Variants in PRKD1 observed in about 807,000 individuals in gnomAD.
The protein encoded by PRKD1 is protein kinase D1.
PRKD1 carries 63 observed loss-of-function variants against 95.9 expected under a neutral mutation model. The ratio of observed to expected loss-of-function variants is 0.66; its 90% confidence interval spans 0.54 to 0.81. The LOEUF (loss-of-function observed/expected upper bound fraction) is 0.81, where lower values mean the gene tolerates loss of function less well. Among genes scored for constraint, PRKD1 ranks in the 30% least tolerant of loss-of-function variants. The pLI is 0.00. For synonymous variants in PRKD1, 425 were observed against 423.1 expected, an observed-to-expected ratio of 1.00 and a Z score of -0.05; for missense variants, 1,048 against 1,165.3, an observed-to-expected ratio of 0.90 and a Z score of 1.47.
intron 16 of PRKD1, among the ~76,000 whole-genome samples, chr14:29,589,087 T>C (rs544175319): frequency 6.6e-6 from 1 of 152,214 alleles, no homozygotes; most frequent in East Asian, 1.9e-4. Flanking sequence ...TAAAGGAATA[T>C]GAAAACTCAG....
intron 1 of PRKD1, among the ~76,000 whole-genome samples, chr14:29,739,638 G>T (rs1266562759): frequency 1.3e-5 from 2 of 152,142 alleles, no homozygotes; most frequent in Non-Finnish European, 2.9e-5. Flanking sequence ...TGTCCTACAA[G>T]ATATAGAAAT....
intron 2 of PRKD1, among the ~76,000 whole-genome samples, chr14:29,674,259 T>C (rs1217201729): frequency 1.3e-5 from 2 of 152,180 alleles, no homozygotes; most frequent in Non-Finnish European, 2.9e-5. Context: ...CTAGTATTAT[T>C]TGTCTCTTCT....
chr14:29,607,619 C>CCAGCTACTGCGTGTG (rs1232928073), intron 13 of PRKD1, among the ~76,000 whole-genome samples: 2 of 152,204 alleles, frequency 1.3e-5, no homozygotes, highest in East Asian at 3.9e-4. Flanking sequence ...CCACATCTAA[C>CCAGCTACTGCGTGTG]CAGCTACTGC....
chr14:29,732,435 T>C (rs1307146868), intron 1 of PRKD1, among the ~76,000 whole-genome samples: 2 of 152,318 alleles, frequency 1.3e-5, no homozygotes, highest in African/African-American at 4.8e-5. Flanking sequence ...ATGCTATTTT[T>C]CTATGTCTTT....
intron 1 of PRKD1, among the ~76,000 whole-genome samples, chr14:29,873,905 T>C (rs1376791201): frequency 6.6e-6 from 1 of 152,146 alleles, no homozygotes; most frequent in Non-Finnish European, 1.5e-5. Flanking sequence ...CAAATTTGTT[T>C]ATGCCACTAG....
At chr14:29,756,505 A>G (rs1197072767) in intron 1 of PRKD1, among the ~76,000 whole-genome samples, 2 of 152,180 alleles carry the variant, frequency 1.3e-5, no homozygotes, top group African/African-American at 2.4e-5. Flanking sequence ...TGCTATGTGT[A>G]AAAAAACACT....
intron 13 of PRKD1, among the ~76,000 whole-genome samples, chr14:29,623,045 A>T (rs1190625591): frequency 6.6e-6 from 1 of 152,194 alleles, no homozygotes; most frequent in Non-Finnish European, 1.5e-5. Flanking sequence ...TCTGCACCTC[A>T]ATGTTGCCAG....
In PRKD1 at chr14:29,604,247, A is replaced by G. The variant is rs556319929; in HGVS notation, c.1906-4430T>C. Among the ~76,000 whole-genome samples, 292 of 152,262 alleles carry G rather than the reference A, an allele frequency of 1.9e-3. 2 individuals are homozygous for G. Among genetic ancestry groups the G allele is most frequent in the South Asian group, 3.3e-3 (16 of 4,826 alleles). On this transcript the variant is annotated intron_variant, in intron 13 of 17. Transcript: ENST00000331968. ...AAGTCTAACATTGTTGCTTTATTGT[A>G]AATCTAGAGTTTATAATTTATTCCA...
chr14:29,745,205 C>T (rs1887156742), intron 1 of PRKD1, among the ~76,000 whole-genome samples: 1 of 152,152 alleles, frequency 6.6e-6, no homozygotes, highest in Non-Finnish European at 1.5e-5. Context: ...TGTTGTCCTG[C>T]TTCCTTTTAA....
At chr14:29,857,151 T>C (rs561331566) in intron 1 of PRKD1, among the ~76,000 whole-genome samples, 25 of 152,266 alleles carry the variant, frequency 1.6e-4, no homozygotes, top group Admixed American at 1.3e-3. Context: ...ATCATGAATA[T>C]ATGTGAAATA....
chr14:29,717,810 A>C (rs1885698775), intron 2 of PRKD1, among the ~76,000 whole-genome samples: 1 of 152,176 alleles, frequency 6.6e-6, no homozygotes, highest in Non-Finnish European at 1.5e-5. Flanking sequence ...AAGACTTTTC[A>C]CTTCCGGGTT....
At chr14:29,785,010 C>T (rs1222205529) in intron 1 of PRKD1, among the ~76,000 whole-genome samples, 8 of 152,184 alleles carry the variant, frequency 5.3e-5, no homozygotes. Context: ...CAAATTCCAT[C>T]TCCTTTTACT....
intron 1 of PRKD1, among the ~76,000 whole-genome samples, chr14:29,785,753 C>A (rs903845897): frequency 6.6e-6 from 1 of 151,630 alleles, no homozygotes; most frequent in Non-Finnish European, 1.5e-5. Context: ...AGCACACCAG[C>A]ATGGCACATG....
At chr14:29,835,161 G>GA (rs939049223) in intron 1 of PRKD1, among the ~76,000 whole-genome samples, 26 of 107,024 alleles carry the variant, frequency 2.4e-4, no homozygotes, top group Non-Finnish European at 3.2e-4. Flanking sequence ...TTCATATACT[G>GA]AAAAAAAACA....
intron 1 of PRKD1, among the ~76,000 whole-genome samples, chr14:29,789,459 T>C (rs1889435465): frequency 6.6e-6 from 1 of 152,226 alleles, no homozygotes; most frequent in Non-Finnish European, 1.5e-5. Context: ...GCTTTGATTC[T>C]GGGTGGCTGT....
intron 1 of PRKD1, among the ~76,000 whole-genome samples, chr14:29,871,684 T>G (rs1245639337): frequency 2.0e-5 from 3 of 152,208 alleles, no homozygotes; most frequent in Non-Finnish European, 4.4e-5. Flanking sequence ...TGCCTTATCA[T>G]CACCATCTAC....
intron 1 of PRKD1, among the ~76,000 whole-genome samples, chr14:29,771,322 C>G (rs1036267215): frequency 6.6e-6 from 1 of 152,102 alleles, no homozygotes; most frequent in Non-Finnish European, 1.5e-5. Flanking sequence ...AGTGCCAAGA[C>G]CTGGAGAACA....
At chr14:29,917,377 A>G (rs1474952996) in intron 1 of PRKD1, among the ~76,000 whole-genome samples, 2 of 152,250 alleles carry the variant, frequency 1.3e-5, no homozygotes, top group Non-Finnish European at 2.9e-5. Flanking sequence ...TTAATAATTA[A>G]TGAAAAGTGC....
At chr14:29,652,181 A>T (rs1881548972) in intron 4 of PRKD1, among the ~76,000 whole-genome samples, 1 of 152,192 alleles carries the variant, frequency 6.6e-6, no homozygotes, top group Non-Finnish European at 1.5e-5. Context: ...TGCAATTCCT[A>T]ACAGTGGAAG....
Sources: gnomAD v4.1 joint callset for allele counts (sites outside exome capture counted in the v4.1 genomes callset) on GRCh38, gnomAD v4.1.1 for gene constraint, MANE v1.5 for transcripts, NCBI Gene and HGNC (gene_info 2026-07-23, HGNC 2026-07-21) for gene names.